ANO1: variants seen among roughly 807,000 people sequenced by gnomAD.
The protein encoded by ANO1 is anoctamin-1.
Under a neutral mutation model 124.0 loss-of-function variants are expected in ANO1, and 59 were observed. The ratio of observed to expected loss-of-function variants is 0.48; its 90% CI spans 0.39 to 0.59. The LOEUF is 0.59. ANO1 is among the 20% of genes least tolerant of loss of function. The pLI is 0.00. For synonymous variants in ANO1, 529 were observed against 532.0 expected (o/e 0.99, Z 0.08); for missense variants, 1,059 against 1,328.0 (o/e 0.80, Z 3.15).
At chr11:70,170,819 G>A (rs2048436463) in intron 21 of ANO1, 68 bp from the exon 22 acceptor site, 1 of 1,543,166 alleles carries the variant, frequency 6.5e-7, no homozygotes, top group Admixed American at 1.9e-5. Flanking sequence ...CGGCACACGG[G>A]GTGGTGGAGT....
intron 24 of ANO1, among the ~76,000 whole-genome samples, chr11:70,183,233 C>T (rs2048995969): frequency 6.6e-6 from 1 of 152,226 alleles, no homozygotes; most frequent in African/African-American, 2.4e-5. Context: ...CATCAGGCTC[C>T]ACTCTGGCAC....
chr11:70,029,026 C>T (rs1425749956), intron 1 of ANO1, among the ~76,000 whole-genome samples: 2 of 152,164 alleles, frequency 1.3e-5, no homozygotes, highest in African/African-American at 2.4e-5. Context: ...AGGTGATCCA[C>T]CCACCTCGGC....
At chr11:70,182,358 C>T (rs947896564) in intron 23 of ANO1, 144 bp from the exon 24 acceptor site, 5 of 599,296 alleles carry the variant, frequency 8.3e-6, no homozygotes, top group South Asian at 7.2e-5. Flanking sequence ...CTCAGCATGC[C>T]GAGGCTGTGC....
chr11:69,970,224 C>A, the ANO1 span, among the ~76,000 whole-genome samples: 1 of 152,148 alleles, frequency 6.6e-6, no homozygotes. Context: ...AGGTGAGGCT[C>A]CACATCAGAA....
At chr11:69,984,169 C>T (rs1389195260), upstream of ANO1, among the ~76,000 whole-genome samples, 3 of 152,184 alleles carry the variant, frequency 2.0e-5, no homozygotes, top group Non-Finnish European at 2.9e-5. Context: ...GTTTTTATCT[C>T]GACTTCTGCA....
chr11:70,014,245 A>G (rs1217695858), intron 1 of ANO1, among the ~76,000 whole-genome samples: 1 of 151,810 alleles, frequency 6.6e-6, no homozygotes, highest in Non-Finnish European at 1.5e-5. Flanking sequence ...TAGCACTAAG[A>G]TAAAGGAAAA....
At chr11:70,150,034 C>T in intron 12 of ANO1, 6 of 617,934 alleles carry the variant, frequency 9.7e-6, no homozygotes, top group South Asian at 4.9e-5. Flanking sequence ...TCCCCATGCT[C>T]ACATGGACAC....
chr11:70,164,996 A>C (rs1435482935), intron 19 of ANO1, among the ~76,000 whole-genome samples: 1 of 152,122 alleles, frequency 6.6e-6, no homozygotes, highest in Admixed American at 6.5e-5. Flanking sequence ...CCACAGACTT[A>C]AAGTAACAGA....
intron 1 of ANO1, chr11:70,015,037 A>T (rs1856676658): frequency 1.3e-5 from 2 of 151,612 alleles, no homozygotes; most frequent in African/African-American, 4.8e-5. Flanking sequence ...GGCCGGGGGG[A>T]TGGAGACACG....
intron 1 of ANO1, among the ~76,000 whole-genome samples, chr11:70,030,895 A>T (rs1182786160): frequency 2.6e-5 from 4 of 152,094 alleles, no homozygotes; most frequent in African/African-American, 9.7e-5. Context: ...TAATTGACAA[A>T]CTGTGGTTTT....
At chr11:69,979,507 C>T in the ANO1 span, among the ~76,000 whole-genome samples, 18 of 152,148 alleles carry the variant, frequency 1.2e-4, no homozygotes, top group African/African-American at 3.4e-4. Context: ...ATACTTCATA[C>T]GAATGAGACA....
chr11:69,993,045 G>T (rs1856185790), intron 1 of ANO1, among the ~76,000 whole-genome samples: 1 of 152,120 alleles, frequency 6.6e-6, no homozygotes, highest in Non-Finnish European at 1.5e-5. Context: ...TGCCTCCTCT[G>T]GGCCTTTTGC....
At chr11:70,088,392 C>CTA (rs2044478913) in intron 2 of ANO1, among the ~76,000 whole-genome samples, 1 of 151,800 alleles carries the variant, frequency 6.6e-6, no homozygotes, top group African/African-American at 2.4e-5. Flanking sequence ...TGTCTGTGGC[C>CTA]CCCCTACTCG....
chr11:70,089,155 C>T (rs1329460327), intron 2 of ANO1, among the ~76,000 whole-genome samples: 1 of 152,180 alleles, frequency 6.6e-6, no homozygotes, highest in Non-Finnish European at 1.5e-5. Flanking sequence ...CCCCAGCCTA[C>T]AGAGCCATCA....
intron 8 of ANO1, among the ~76,000 whole-genome samples, chr11:70,117,096 CT>C (rs1479602475): frequency 5.3e-5 from 4 of 75,966 alleles, no homozygotes. Context: ...TTCTTTGTTT[CT>C]TTCTTTTTTT....
chr11:69,967,523 G>A, the ANO1 span, among the ~76,000 whole-genome samples: 1 of 152,254 alleles, frequency 6.6e-6, no homozygotes, highest in Admixed American at 6.5e-5. Flanking sequence ...TGCCTGGCCT[G>A]TCTCTGCCTT....
chr11:70,038,941 A>G (rs1857137867), intron 1 of ANO1, among the ~76,000 whole-genome samples: 2 of 152,152 alleles, frequency 1.3e-5, no homozygotes, highest in African/African-American at 4.8e-5. Flanking sequence ...GTTATCTCCC[A>G]GGGAAAAAGC....
intron 8 of ANO1, among the ~76,000 whole-genome samples, chr11:70,117,937 T>A (rs2046055592): frequency 6.6e-6 from 1 of 152,222 alleles, no homozygotes; most frequent in Non-Finnish European, 1.5e-5. Flanking sequence ...ATTTTTAGTG[T>A]AACATCTGGC....
In ANO1 at chr11:70,105,797, C is replaced by A. The variant is rs775245455; in HGVS notation, c.747+9C>A. The A allele has an allele frequency of 1.9e-6, 3 of 1,612,554 alleles. No individual in the cohort carries two copies. ...AAACCCGGAGCACGATTGTAAGTAT[C>A]GCACGCGCCTGGAAACGGCTCACTG... On this transcript the variant is annotated intron_variant, in intron 5 of 25. Transcript: ENST00000355303.
Sources: allele counts gnomAD v4.1 joint callset (sites outside exome capture counted in the v4.1 genomes callset), GRCh38; gene constraint gnomAD v4.1.1; transcripts MANE v1.5; gene names NCBI Gene and HGNC (gene_info 2026-07-23, HGNC 2026-07-21).